PHACTR3: variants seen among roughly 807,000 people sequenced by gnomAD.
PHACTR3 encodes the protein protein phosphatase 1, regulatory subunit 123.
In PHACTR3, 16 loss-of-function variants were observed where a neutral mutation model predicts 66.8. The ratio of observed to expected loss-of-function variants is 0.24; its 90% confidence interval spans 0.16 to 0.36. The LOEUF is 0.36. Ranked by LOEUF, PHACTR3 falls within the 10% of genes least tolerant of loss-of-function variation. The pLI, the probability that PHACTR3 is intolerant of heterozygous loss-of-function variation, is 1.00. For missense variants in PHACTR3, 647 were observed against 719.9 expected, an observed-to-expected ratio of 0.90 and a Z score of 1.16; for synonymous variants, 323 against 292.1, an observed-to-expected ratio of 1.11 and a Z score of -1.08.
At chr20:59,838,244 G>T (rs2058998696) in intron 9 of PHACTR3, among the ~76,000 whole-genome samples, 1 of 152,164 alleles carries the variant, frequency 6.6e-6, no homozygotes, top group Admixed American at 6.5e-5. Flanking sequence ...CTGTGGAGAT[G>T]AGAATAGGGT....
rs368177775 is a variant in PHACTR3, at chr20:59,772,469, C to G, written c.752-810C>G. Among the ~76,000 whole-genome samples the G allele has an allele frequency of 9.9e-5, 15 of 152,206 alleles. No individual in the cohort carries two copies. The East Asian group carries it at 2.5e-3, about 25-fold the overall frequency. ...AAAAGTGTCAGGGCAGGCTCAGGTC[C>G]CAGGGGACAGGAGACGAGGGATCTG... On this transcript the variant is annotated intron_variant, in intron 5 of 12. Coordinates refer to ENST00000371015, the MANE Select transcript of PHACTR3 (RefSeq NM_080672.5).
intron 1 of PHACTR3, among the ~76,000 whole-genome samples, chr20:59,704,905 G>T (rs2037643568): frequency 6.6e-6 from 1 of 151,158 alleles, no homozygotes; most frequent in African/African-American, 2.4e-5. Context: ...TTACCAAATT[G>T]AGTAATCCCA....
intron 4 of PHACTR3, among the ~76,000 whole-genome samples, chr20:59,766,976 T>C (rs367747799): frequency 5.9e-4 from 90 of 152,308 alleles, no homozygotes; most frequent in African/African-American, 1.6e-3. Context: ...CTCATACTAT[T>C]GAAATGACTT....
intron 1 of PHACTR3, among the ~76,000 whole-genome samples, chr20:59,723,423 A>G (rs1601191968): frequency 1.3e-5 from 2 of 152,028 alleles, no homozygotes; most frequent in East Asian, 3.9e-4. Context: ...TTTCAAGTTC[A>G]CCTGCATTGC....
intron 1 of PHACTR3, among the ~76,000 whole-genome samples, chr20:59,728,823 CAGCTGAAAT>C (rs2038658732): frequency 6.6e-6 from 1 of 150,646 alleles, no homozygotes; most frequent in Non-Finnish European, 1.5e-5. Context: ...AACACCAAGT[CAGCTGAAAT>C]AACAGCACCG....
chr20:59,759,362 A>G (rs2039917214), intron 4 of PHACTR3, among the ~76,000 whole-genome samples: 1 of 152,222 alleles, frequency 6.6e-6, no homozygotes, highest in South Asian at 2.1e-4. Flanking sequence ...TTGCAAGCCA[A>G]TGTTTAAAAA....
At chr20:59,769,369 A>G (rs1006263134) in intron 5 of PHACTR3, among the ~76,000 whole-genome samples, 2 of 152,242 alleles carry the variant, frequency 1.3e-5, no homozygotes, top group Admixed American at 1.3e-4. Flanking sequence ...CCCTGAATCC[A>G]ATGACAGTGT....
intron 1 of PHACTR3, among the ~76,000 whole-genome samples, chr20:59,584,308 CTGTG>C (rs1048096964): frequency 2.0e-5 from 3 of 148,452 alleles, no homozygotes; most frequent in Non-Finnish European, 3.0e-5. Context: ...CTGTGTGTGA[CTGTG>C]TGTGTGAGGG....
chr20:59,753,842 T>C (rs2039686486), intron 3 of PHACTR3, among the ~76,000 whole-genome samples: 1 of 152,206 alleles, frequency 6.6e-6, no homozygotes, highest in Non-Finnish European at 1.5e-5. Context: ...GGGACACTGT[T>C]GAAGGACACA....
At chr20:59,812,867 C>T (rs2041777815) in intron 8 of PHACTR3, among the ~76,000 whole-genome samples, 1 of 152,160 alleles carries the variant, frequency 6.6e-6, no homozygotes, top group Admixed American at 6.5e-5. Flanking sequence ...ACCATCATCC[C>T]TGCTCTGCAG....
chr20:59,825,047 G>A (rs1002469018), intron 8 of PHACTR3, among the ~76,000 whole-genome samples: 2 of 152,244 alleles, frequency 1.3e-5, no homozygotes, highest in African/African-American at 4.8e-5. Flanking sequence ...TGTATTGCCA[G>A]TGGCTTCTCT....
intron 1 of PHACTR3, among the ~76,000 whole-genome samples, chr20:59,635,143 CTT>C (rs1325323604): frequency 1.1e-4 from 7 of 66,264 alleles, no homozygotes; most frequent in African/African-American, 4.1e-4. Flanking sequence ...TTCTTTCTTT[CTT>C]TCTTTTTCTT....
intron 10 of PHACTR3, 124 bp from the exon 11 acceptor site, chr20:59,841,271 T>C (rs2059055688): frequency 3.2e-6 from 3 of 951,502 alleles, no homozygotes; most frequent in Non-Finnish European, 4.6e-6. Flanking sequence ...ATTTGGGTTA[T>C]ATTTTCCAGT....
intron 1 of PHACTR3, chr20:59,628,230 C>T (rs561556248): frequency 1.3e-5 from 2 of 152,344 alleles, no homozygotes; most frequent in East Asian, 3.9e-4. Context: ...GGAGAGAGTA[C>T]TTGGGAGCTC....
At chr20:59,686,833 ATGATGATGG>A (rs1264419222) in intron 1 of PHACTR3, among the ~76,000 whole-genome samples, 4 of 137,154 alleles carry the variant, frequency 2.9e-5, no homozygotes, top group East Asian at 2.1e-4. Context: ...GGTGGTGGTG[ATGATGATGG>A]TGATGATGGT....
intron 8 of PHACTR3, among the ~76,000 whole-genome samples, chr20:59,834,296 G>T (rs2042464363): frequency 6.6e-6 from 1 of 152,214 alleles, no homozygotes; most frequent in Admixed American, 6.5e-5. Context: ...CAGCATGGGG[G>T]CCAGGAATCT....
chr20:59,785,901 T>TGCC (rs1555841781), intron 7 of PHACTR3, among the ~76,000 whole-genome samples: 17 of 3,454 alleles, frequency 4.9e-3, no homozygotes, highest in Middle Eastern at 0.083. Context: ...CCAACGGCCC[T>TGCC]CTGCATCCCC....
Position 59,622,994 on chromosome 20 carries a change from A to AAACAAACAAACAAAC in PHACTR3, c.118+17864_118+17865insCAAACAAACAAACAA, listed in dbSNP as rs1446423578. 1.8e-4 allele frequency among the ~76,000 whole-genome samples: 26 copies of AAACAAACAAACAAAC among 146,858 alleles called. 1 individual carries two copies. Among genetic ancestry groups the AAACAAACAAACAAAC allele is most frequent in the African/African-American group, 5.8e-4 (23 of 39,952 alleles). Reference sequence around the variant, plus strand: ...AGCAGCTTTAACCAAAAAAAAAAAAAAAAAAAACCCAAATCTTCAGCAAAC... The same window carrying AAACAAACAAACAAAC: ...AGCAGCTTTAACCAAAAAAAAAAAAAAACAAACAAACAAACAAAAAAACCCAAATCTTCAGCAAAC... On this transcript the variant is annotated intron_variant, in intron 1 of 12. Coordinates refer to ENST00000371015, the MANE Select transcript of PHACTR3 (RefSeq NM_080672.5).
chr20:59,749,164 G>A (rs775306309), intron 3 of PHACTR3, among the ~76,000 whole-genome samples: 1 of 152,184 alleles, frequency 6.6e-6, no homozygotes, highest in African/African-American at 2.4e-5. Context: ...TAGAAATCTG[G>A]AGGATTTTCA....
Sources: allele counts gnomAD v4.1 joint callset (sites outside exome capture counted in the v4.1 genomes callset), GRCh38; gene constraint gnomAD v4.1.1; transcripts MANE v1.5; gene names NCBI Gene and HGNC (gene_info 2026-07-23, HGNC 2026-07-21).